Variants in FBLIM1 observed in about 807,000 individuals in gnomAD.
FBLIM1 encodes the protein filamin-binding LIM protein 1.
In FBLIM1, 29 loss-of-function variants were observed where a neutral mutation model predicts 37.4. The ratio of observed to expected loss-of-function variants is 0.77; its 90% CI spans 0.58 to 1.06. The LOEUF (loss-of-function observed/expected upper bound fraction) is 1.06, where lower values mean the gene tolerates loss of function less well. Ranked by LOEUF, FBLIM1 falls within the 50% of genes least tolerant of loss-of-function variation. FBLIM1 has a pLI of 0.00. For missense variants in FBLIM1, 449 were observed against 505.6 expected, an observed-to-expected ratio of 0.89 and a Z score of 1.07; for synonymous variants, 193 against 199.0, an observed-to-expected ratio of 0.97 and a Z score of 0.25.
intron 7 of FBLIM1, among the ~76,000 whole-genome samples, chr1:15,776,120 T>C (rs761665536): frequency 1.1e-4 from 17 of 151,686 alleles, no homozygotes; most frequent in Non-Finnish European, 1.6e-4. Flanking sequence ...AAAACATATA[T>C]AAAAAACACA....
intron 1 of FBLIM1, among the ~76,000 whole-genome samples, chr1:15,759,231 G>T (rs917108686): frequency 6.6e-6 from 1 of 152,152 alleles, no homozygotes; most frequent in African/African-American, 2.4e-5. Context: ...CCCGGCGGCC[G>T]CCCTGCTCGG....
intron 1 of FBLIM1, among the ~76,000 whole-genome samples, chr1:15,761,937 G>C (rs1203163655): frequency 6.6e-6 from 1 of 152,180 alleles, no homozygotes; most frequent in Non-Finnish European, 1.5e-5. Context: ...GGACTGATGT[G>C]CTCACTGGAC....
intron 1 of FBLIM1, among the ~76,000 whole-genome samples, chr1:15,762,010 A>G (rs953414849): frequency 6.6e-6 from 1 of 152,096 alleles, no homozygotes; most frequent in Non-Finnish European, 1.5e-5. Context: ...GTCAGCAGGA[A>G]CTACCTGAGA....
At chr1:15,781,406 T>C (rs1034881038) in intron 8 of FBLIM1, among the ~76,000 whole-genome samples, 5 of 150,178 alleles carry the variant, frequency 3.3e-5, no homozygotes, top group Admixed American at 2.0e-4. Flanking sequence ...CCCAGCTACT[T>C]GGGAGGTTGA....
intron 8 of FBLIM1, among the ~76,000 whole-genome samples, chr1:15,782,407 TAAA>T (rs766909189): frequency 2.4e-5 from 3 of 126,122 alleles, no homozygotes; most frequent in Non-Finnish European, 1.7e-5. Flanking sequence ...GACTCTATCT[TAAA>T]AAAAAAAAAA....
Position 15,765,228 on chromosome 1 carries a change from A to G in FBLIM1, c.245A>G (p.Asn82Ser), listed in dbSNP as rs375115514. The change falls in exon 3 of 9, where the codon AAT becomes AGT. Residue 82 changes from asparagine to serine, a missense_variant. By Grantham distance (46) the Asn-to-Ser change is conservative. Transcript: ENST00000375766. This position sits in a 1 kb window ranked among gnomAD's most constrained non-coding sequence, Gnocchi z 5.9. ...CCGGCTGCACCTATGCAGCTCTTCA[A>G]TGGAGGTAAGAGCTGAGGGGACTTT... ...TVPAAPMQLF[N>S]GGCPPPPPVL... is the part of the protein sequence containing the mutation. 1.4e-5 allele frequency: 23 copies of G among 1,610,798 alleles called. No individual in the cohort carries two copies. The African/African-American group carries it at 2.8e-4, about 20-fold the overall frequency.
intron 1 of FBLIM1, among the ~76,000 whole-genome samples, chr1:15,762,260 G>GTTTTTT (rs57122494): frequency 9.2e-6 from 1 of 108,668 alleles, no homozygotes. Flanking sequence ...TGGCTAATTT[G>GTTTTTT]TTTTTTTTTT....
intron 1 of FBLIM1, among the ~76,000 whole-genome samples, chr1:15,759,699 T>C (rs1033335033): frequency 6.6e-6 from 1 of 152,136 alleles, no homozygotes; most frequent in African/African-American, 2.4e-5. Flanking sequence ...TCTCACTTTA[T>C]GAAAAAACGA....
intron 8 of FBLIM1, 69 bp from the exon 9 acceptor site, chr1:15,784,479 G>A: frequency 7.7e-7 from 1 of 1,299,210 alleles, no homozygotes; most frequent in East Asian, 2.3e-5. Context: ...CAGATGCCAA[G>A]TGAGTCCCTC....
At chr1:15,759,734 T>A (rs1331155088) in intron 1 of FBLIM1, among the ~76,000 whole-genome samples, 1 of 152,158 alleles carries the variant, frequency 6.6e-6, no homozygotes, top group Non-Finnish European at 1.5e-5. Context: ...TGTGACCTAT[T>A]CGGGGTCACC....
intron 5 of FBLIM1, among the ~76,000 whole-genome samples, chr1:15,769,540 C>G (rs1398405003): frequency 1.3e-5 from 2 of 152,100 alleles, no homozygotes; most frequent in African/African-American, 4.8e-5. Context: ...TGTAGTGGTT[C>G]ATGCCTGTAA....
chr1:15,776,589 GCACA>G (rs2069495074), intron 7 of FBLIM1, among the ~76,000 whole-genome samples: 2 of 152,240 alleles, frequency 1.3e-5, no homozygotes, highest in East Asian at 1.9e-4. Flanking sequence ...TACTGGCTGG[GCACA>G]GTGGCTCACG....
At position 15,777,157 on chromosome 1, in the gene FBLIM1, C is replaced by G; in HGVS notation, c.891-13C>G. 1 of 1,591,954 alleles carries G rather than the reference C, an allele frequency of 6.3e-7. No homozygotes were observed. Among genetic ancestry groups the G allele is most frequent in the Non-Finnish European group, 8.6e-7 (1 of 1,163,786 alleles). On this transcript the variant is annotated splice_polypyrimidine_tract_variant and intron_variant, in intron 7 of 8. Transcript: ENST00000375766. The stretch of plus-strand genomic sequence containing the variant: ...CATGAACGCCTCCCAAGCATGGGTT[C>G]CTTTGCTTCTAGGAAATTCGCCCCC...
chr1:15,774,907 T>G (rs1471684757), intron 7 of FBLIM1, 111 bp downstream of exon 7: 13 of 1,595,504 alleles, frequency 8.1e-6, no homozygotes, highest in Non-Finnish European at 1.0e-5. Context: ...TCCTGTCTAC[T>G]GGTTTATTAT....
At chr1:15,768,751 T>C in intron 5 of FBLIM1, 121 bp downstream of exon 5, 1 of 564,776 alleles carries the variant, frequency 1.8e-6, no homozygotes, top group Non-Finnish European at 2.9e-6. Context: ...ATGTTAACAA[T>C]GATGGGCTTT....
rs972384782 is a variant in FBLIM1 at position 15,765,722 on chromosome 1, G to GCTGCCAT, written c.250+501_250+507dup. ...CTGCTTGAAGCCGTCTACACCGAAGGCTGCCATCTGCCATCTGCTTAGTAC... is the reference window on the plus strand; with the variant it reads ...CTGCTTGAAGCCGTCTACACCGAAGGCTGCCATCTGCCATCTGCCATCTGCTTAGTAC... On this transcript the variant is annotated intron_variant, in intron 3 of 8. Coordinates refer to ENST00000375766, the MANE Select transcript of FBLIM1 (RefSeq NM_017556.4). This position sits in a 1 kb window ranked among gnomAD's most constrained non-coding sequence, Gnocchi z 5.9. 2.0e-5 allele frequency among the ~76,000 whole-genome samples: 3 copies of GCTGCCAT among 152,152 alleles called. No homozygotes were observed. The highest frequency in any genetic ancestry group is 4.4e-5 in the Non-Finnish European group (3 of 68,032).
In FBLIM1 at chr1:15,777,257, A is replaced by G. The variant is rs1159543584; in HGVS notation, c.978A>G (p.Arg326=). The change falls in exon 8 of 9, where the codon AGA becomes AGG. Residue 326 remains arginine (R), a synonymous_variant. Coordinates refer to ENST00000375766, the MANE Select transcript of FBLIM1 (RefSeq NM_017556.4). The stretch of plus-strand genomic sequence containing the variant: ...CCTTCAAAATCGAATGCATGGGAAG[A>G]AACTTCCATGAAAATTGCTACAGGT... ...KDAFKIECMG[R]NFHENCYRCE... is the part of the protein sequence containing the mutation. 1.2e-6 allele frequency: 2 copies of G among 1,613,250 alleles called. No individual in the cohort carries two copies. Among genetic ancestry groups the G allele is most frequent in the South Asian group, 2.2e-5 (2 of 91,038 alleles).
intron 8 of FBLIM1, 135 bp downstream of exon 8, chr1:15,777,422 A>G (rs2069524903): frequency 1.7e-6 from 1 of 586,054 alleles, no homozygotes; most frequent in South Asian, 2.3e-5. Context: ...GGAGAAACAA[A>G]AGATACTGGA....
rs763141178 is a variant in FBLIM1, at chr1:15,765,064, G to A, written c.81G>A (p.Ala27=). Residue 27 remains alanine, a synonymous_variant, in exon 3 of 9, where the codon GCG becomes GCA. Transcript: ENST00000375766. The surrounding 1 kb of genome is among the most constrained non-coding windows in gnomAD (Gnocchi z 5.9). ...LAPPRRDVAV[A]EEVRQAVCEA... ...CCCCGCGCCGCGATGTGGCCGTGGC[G>A]GAGGAAGTGAGGCAGGCAGTTTGTG... 1.7e-5 allele frequency: 27 copies of A among 1,614,000 alleles called. No individual in the cohort carries two copies. The highest frequency in any genetic ancestry group is 8.0e-5 in the African/African-American group (6 of 74,936).
Sources: gnomAD v4.1 joint callset for allele counts (sites outside exome capture counted in the v4.1 genomes callset) on GRCh38, gnomAD v4.1.1 for gene constraint, Gnocchi (gnomAD v3.1) non-coding constraint, MANE v1.5 for transcripts, NCBI Gene and HGNC (gene_info 2026-07-23, HGNC 2026-07-21) for gene names.